HSDL2: variants seen among roughly 807,000 people sequenced by gnomAD.
HSDL2 encodes the protein hydroxysteroid dehydrogenase-like protein 2.
HSDL2 carries 27 observed loss-of-function variants against 46.3 expected under a neutral mutation model. That is an observed-to-expected ratio of 0.58 (90% CI 0.43 to 0.80). The LOEUF is 0.80. Among genes scored for constraint, HSDL2 ranks in the 30% least tolerant of loss-of-function variants. HSDL2 has a pLI of 0.00. For missense variants in HSDL2, 451 were observed against 502.7 expected, an observed-to-expected ratio of 0.90 and a Z score of 0.98; for synonymous variants, 153 against 163.6, an observed-to-expected ratio of 0.94 and a Z score of 0.50.
Position 112,438,547 on chromosome 9 carries a change from A to T in HSDL2, c.715A>T (p.Thr239Ser), listed in dbSNP as rs1359518061. The T allele has an allele frequency of 1.2e-6, 2 of 1,612,592 alleles. No individual in the cohort carries two copies. Among genetic ancestry groups the T allele is most frequent in the East Asian group, 2.2e-5 (1 of 44,844 alleles). The change falls in exon 7 of 11, where the codon ACT (threonine) becomes TCT (serine). Residue 239 changes from threonine to serine, a missense_variant. Physicochemically the swap from Thr to Ser is moderately conservative, Grantham distance 58. Transcript: ENST00000398805. ...YSIFQKPKSF[T>S]GNFVIDENIL... ...CATTTTCCAAAAGCCAAAAAGTTTT[A>T]CTGGCAACTTTGTCATTGATGAAAA...
chr9:112,414,868 T>C (rs1475665706), intron 4 of HSDL2, among the ~76,000 whole-genome samples: 1 of 152,138 alleles, frequency 6.6e-6, no homozygotes, highest in East Asian at 1.9e-4. Flanking sequence ...GTTGCTGTTT[T>C]TAACACCAGT....
chr9:112,407,890 A>C (rs1194745716), intron 3 of HSDL2, among the ~76,000 whole-genome samples: 1 of 152,164 alleles, frequency 6.6e-6, no homozygotes, highest in Non-Finnish European at 1.5e-5. Context: ...ACAAAGAAAA[A>C]ATGTTTGACA....
At chr9:112,462,425 C>G (rs7874782) in intron 10 of HSDL2, among the ~76,000 whole-genome samples, 1 of 151,140 alleles carries the variant, frequency 6.6e-6, no homozygotes, top group Non-Finnish European at 1.5e-5. Flanking sequence ...ATCGAGCCAC[C>G]GCACTCCAGC....
intron 1 of HSDL2, among the ~76,000 whole-genome samples, chr9:112,395,316 A>G (rs550411462): frequency 8.5e-5 from 13 of 152,282 alleles, no homozygotes; most frequent in Admixed American, 7.8e-4. Context: ...TGTGGTTTTC[A>G]TTGTCAGTAT....
intron 1 of HSDL2, among the ~76,000 whole-genome samples, chr9:112,400,357 C>T (rs1358727117): frequency 1.3e-5 from 2 of 152,122 alleles, no homozygotes; most frequent in Admixed American, 1.3e-4. Context: ...ACCTGTAATC[C>T]CAACACTTTG....
rs561786612 is a variant in HSDL2, at chr9:112,412,062, A to C, written c.395+3041A>C. 3.3e-5 allele frequency among the ~76,000 whole-genome samples: 5 copies of C among 152,344 alleles called. No individual in the cohort carries two copies. In the South Asian group the frequency reaches 1.0e-3, roughly 32 times the overall value. ...TCCCTGGTCTGAAAATCCCAAATCC[A>C]GAATGCTCTGAGATCTGAAACTTTT... On this transcript the variant is annotated intron_variant, in intron 4 of 10. Coordinates refer to ENST00000398805, the MANE Select transcript of HSDL2 (RefSeq NM_032303.5).
Position 112,454,002 on chromosome 9 carries a change from A to AT in HSDL2, c.866-10dup, listed in dbSNP as rs749869999. 1 of 1,610,028 alleles carries AT rather than the reference A, an allele frequency of 6.2e-7. No individual in the cohort carries two copies. The highest frequency in any genetic ancestry group is 1.3e-5 in the African/African-American group (1 of 74,700). ...AGCATTAAGGTCATTTGCTTCAATA[A>AT]TATCTTATAGGTGCTGTTCCAGAAT... On this transcript the variant is annotated splice_polypyrimidine_tract_variant and intron_variant, in intron 8 of 10. Coordinates refer to ENST00000398805, the MANE Select transcript of HSDL2 (RefSeq NM_032303.5).
At chr9:112,384,191 C>G (rs189016277) in intron 1 of HSDL2, among the ~76,000 whole-genome samples, 1 of 152,116 alleles carries the variant, frequency 6.6e-6, no homozygotes, top group Non-Finnish European at 1.5e-5. Context: ...AATTTCAGTA[C>G]TTTTACCTGA....
intron 1 of HSDL2, among the ~76,000 whole-genome samples, chr9:112,401,715 G>C (rs1423316347): frequency 2.0e-5 from 3 of 152,064 alleles, no homozygotes; most frequent in African/African-American, 7.2e-5. Flanking sequence ...TCGTTCTGTG[G>C]GGTGGGGGAG....
intron 4 of HSDL2, 23 bp downstream of exon 4, chr9:112,409,044 T>C (rs1831800149): frequency 7.4e-7 from 1 of 1,351,512 alleles, no homozygotes; most frequent in Non-Finnish European, 1.1e-6. Context: ...GAAGAGTTGT[T>C]GGGGAGGAAG....
intron 6 of HSDL2, among the ~76,000 whole-genome samples, chr9:112,423,932 T>C (rs1474535795): frequency 6.8e-6 from 1 of 148,124 alleles, no homozygotes; most frequent in African/African-American, 2.5e-5. Context: ...CAGGCTGGTC[T>C]CGAACTCCTG....
At chr9:112,466,709 T>G (rs1370636593) in intron 10 of HSDL2, among the ~76,000 whole-genome samples, 1 of 152,228 alleles carries the variant, frequency 6.6e-6, no homozygotes, top group Non-Finnish European at 1.5e-5. Context: ...AACCTATTTT[T>G]TTTGATTTTT....
In HSDL2 at chr9:112,471,669, CT is replaced by C. The variant is rs1301225909; in HGVS notation, c.*1126del. The C allele has an allele frequency of 2.0e-5, 3 of 152,146 alleles. No individual in the cohort carries two copies. Among genetic ancestry groups the C allele is most frequent in the Non-Finnish European group, 2.9e-5 (2 of 68,096 alleles). The allele number at this position is 152,146 out of a possible 1,614,324, so 9.4% of individuals were successfully genotyped here. A position where few individuals can be genotyped will look rare whatever the true frequency, so the allele number is the denominator to read the frequency against. On this transcript the variant is annotated 3_prime_UTR_variant, in exon 11 of 11. Transcript: ENST00000398805. Reference sequence around the variant, plus strand: ...ATAGTAAGACCCTATCTCTACCCCCCTAATAAATTAATTTAAAAAGCCCCCC... The same window carrying C: ...ATAGTAAGACCCTATCTCTACCCCCCAATAAATTAATTTAAAAAGCCCCCC...
chr9:112,456,686 C>T (rs1043879736), intron 9 of HSDL2, among the ~76,000 whole-genome samples: 1 of 152,182 alleles, frequency 6.6e-6, no homozygotes, highest in Admixed American at 6.5e-5. Context: ...TCTAGCTTAG[C>T]CAGACTTCAT....
intron 6 of HSDL2, among the ~76,000 whole-genome samples, chr9:112,434,485 A>C (rs1832474887): frequency 1.3e-5 from 2 of 152,238 alleles, no homozygotes; most frequent in African/African-American, 4.8e-5. Context: ...TACCATTTTC[A>C]TTGATTCTGA....
chr9:112,454,911 G>A (rs1220705473), intron 9 of HSDL2, among the ~76,000 whole-genome samples: 1 of 151,916 alleles, frequency 6.6e-6, no homozygotes, highest in Non-Finnish European at 1.5e-5. Flanking sequence ...TTGCCATGTT[G>A]CCCAGGCTGG....
chr9:112,429,303 A>G (rs1462146111), intron 6 of HSDL2, among the ~76,000 whole-genome samples: 2 of 152,346 alleles, frequency 1.3e-5, no homozygotes, highest in Admixed American at 6.5e-5. Context: ...ATAATTTATT[A>G]ACTATCTACT....
At chr9:112,386,169 C>T (rs114489874) in intron 1 of HSDL2, among the ~76,000 whole-genome samples, 2,141 of 152,112 alleles carry the variant, frequency 0.014, 46 homozygotes, top group African/African-American at 0.05. Flanking sequence ...TCTTTTTTAA[C>T]CCCACAAGTA....
At chr9:112,453,952 T>C in intron 8 of HSDL2, 61 bp from the exon 9 acceptor site, 1 of 1,278,892 alleles carries the variant, frequency 7.8e-7, no homozygotes, top group Non-Finnish European at 1.1e-6. Flanking sequence ...GATTAATTAA[T>C]TCTGTGTGGG....
Sources: allele counts gnomAD v4.1 joint callset (sites outside exome capture counted in the v4.1 genomes callset), GRCh38; gene constraint gnomAD v4.1.1; transcripts MANE v1.5; gene names NCBI Gene and HGNC (gene_info 2026-07-23, HGNC 2026-07-21).